ANKDD1A: variants seen among roughly 807,000 people sequenced by gnomAD.
The protein encoded by ANKDD1A is ankyrin repeat and death domain-containing protein 1A.
Under a neutral mutation model 63.5 loss-of-function variants are expected in ANKDD1A, and 59 were observed. That is an observed-to-expected ratio of 0.93 (90% CI 0.75 to 1.15). The LOEUF is 1.15. ANKDD1A is among the 50% of genes most tolerant of loss of function. The pLI is 0.00. For synonymous variants in ANKDD1A, 266 were observed against 263.9 expected (o/e 1.01, Z -0.08); for missense variants, 632 against 656.4 (o/e 0.96, Z 0.41).
chr15:64,953,527 T>TCTTC (rs2085344046), intron 14 of ANKDD1A, among the ~76,000 whole-genome samples: 5,463 of 74,432 alleles, frequency 0.073, 381 homozygotes, highest in African/African-American at 0.19. Flanking sequence ...CCTTCTTCCT[T>TCTTC]CTTCTCCTCT....
intron 3 of ANKDD1A, among the ~76,000 whole-genome samples, chr15:64,919,100 C>G (rs181828310): frequency 6.6e-6 from 1 of 152,250 alleles, no homozygotes; most frequent in Non-Finnish European, 1.5e-5. Flanking sequence ...GGAGGAAAGT[C>G]TGTAGTGATA....
rs60950432 is a variant in ANKDD1A, at chr15:64,932,951, G to GAA, written c.769-1173_769-1172dup. On this transcript the variant is annotated intron_variant, in intron 8 of 14. Coordinates refer to ENST00000319580, the MANE Select transcript of ANKDD1A (RefSeq NM_182703.6). The stretch of plus-strand genomic sequence containing the variant: ...GTGACAGATTGAGACCCTGTCTCAA[G>GAA]AAAAAAAAAAAAAGACTGGGAAGGT... Among the ~76,000 whole-genome samples the GAA allele has an allele frequency of 1.7e-3, 233 of 140,934 alleles. 1 individual carries two copies. The highest frequency in any genetic ancestry group is 2.2e-3 in the African/African-American group (84 of 38,098). 92.5% of individuals were successfully genotyped at this position (140,934 alleles called of 152,430 possible).
At chr15:64,923,992 T>C (rs1050864750) in intron 4 of ANKDD1A, among the ~76,000 whole-genome samples, 6 of 152,236 alleles carry the variant, frequency 3.9e-5, no homozygotes, top group Admixed American at 1.3e-4. Context: ...AACAAATCAC[T>C]CTAAAATTTA....
At chr15:64,924,484 C>T (rs1038266491) in intron 4 of ANKDD1A, among the ~76,000 whole-genome samples, 4 of 152,236 alleles carry the variant, frequency 2.6e-5, no homozygotes, top group African/African-American at 9.6e-5. Context: ...TCCTTTCAAT[C>T]TCTTATTCAA....
chr15:64,935,798 C>T (rs184765266), intron 9 of ANKDD1A, among the ~76,000 whole-genome samples: 76 of 152,100 alleles, frequency 5.0e-4, no homozygotes, highest in African/African-American at 1.5e-3. Flanking sequence ...GAGCCAAGAT[C>T]GCTCCACTGC....
At chr15:64,924,490 T>C (rs1446827898) in intron 4 of ANKDD1A, among the ~76,000 whole-genome samples, 2 of 152,238 alleles carry the variant, frequency 1.3e-5, no homozygotes, top group Non-Finnish European at 2.9e-5. Flanking sequence ...CAATCTCTTA[T>C]TCAAGGTCTT....
chr15:64,922,619 T>G (rs1287500425), intron 4 of ANKDD1A: 1 of 152,260 alleles, frequency 6.6e-6, no homozygotes, highest in Non-Finnish European at 1.5e-5. Flanking sequence ...TTATTTTGGC[T>G]AACTTCTTGA....
chr15:64,921,090 C>G, intron 3 of ANKDD1A, among the ~76,000 whole-genome samples: 1 of 151,960 alleles, frequency 6.6e-6, no homozygotes, highest in Non-Finnish European at 1.5e-5. Flanking sequence ...CCCACCTCAG[C>G]CTCCTGAGTA....
At chr15:64,955,244 G>A (rs553456444) in intron 14 of ANKDD1A, among the ~76,000 whole-genome samples, 2 of 151,966 alleles carry the variant, frequency 1.3e-5, no homozygotes, top group Non-Finnish European at 2.9e-5. Flanking sequence ...CAGTAGAGAC[G>A]GGGTTTCACT....
intron 14 of ANKDD1A, among the ~76,000 whole-genome samples, chr15:64,952,711 CT>C (rs1276100922): frequency 1.6e-5 from 2 of 127,264 alleles, no homozygotes; most frequent in African/African-American, 6.7e-5. Flanking sequence ...AGTTCTTCTC[CT>C]TTCTTCTTTC....
intron 14 of ANKDD1A, among the ~76,000 whole-genome samples, chr15:64,954,750 CTTTCTT>C (rs1566919160): frequency 1.0e-5 from 1 of 97,016 alleles, no homozygotes; most frequent in Non-Finnish European, 2.3e-5. Context: ...TCTCCTTCTT[CTTTCTT>C]TTTGTTCTTC....
At chr15:64,930,635 C>T (rs1404467855) in intron 6 of ANKDD1A, among the ~76,000 whole-genome samples, 187 bp from the exon 7 acceptor site, 1 of 152,192 alleles carries the variant, frequency 6.6e-6, no homozygotes, top group Non-Finnish European at 1.5e-5. Flanking sequence ...AGCAATGTGC[C>T]TGCCTTGAAG....
intron 13 of ANKDD1A, 139 bp from the exon 14 acceptor site, chr15:64,949,702 G>C (rs1241182105): frequency 7.7e-7 from 1 of 1,293,578 alleles, no homozygotes; most frequent in East Asian, 2.5e-5. Flanking sequence ...GGAGCATGGA[G>C]AAGGGCCTTG....
At chr15:64,953,854 C>CTTTT (rs1555397924) in intron 14 of ANKDD1A, among the ~76,000 whole-genome samples, 2 of 89,494 alleles carry the variant, frequency 2.2e-5, no homozygotes, top group Non-Finnish European at 4.6e-5. Context: ...TTCTTCTTTC[C>CTTTT]TCTTCTTCCT....
intron 6 of ANKDD1A, among the ~76,000 whole-genome samples, chr15:64,927,719 C>T (rs1567111645): frequency 6.6e-6 from 1 of 151,918 alleles, no homozygotes; most frequent in East Asian, 1.9e-4. Context: ...ATTCTCCTGC[C>T]TCAGCCTCCC....
intron 6 of ANKDD1A, among the ~76,000 whole-genome samples, chr15:64,927,602 CTTTTTTTT>C (rs5813333): frequency 2.3e-5 from 3 of 130,646 alleles, no homozygotes; most frequent in Non-Finnish European, 3.2e-5. Context: ...AGCAAATTCC[CTTTTTTTT>C]TTTTTTTTTT....
chr15:64,948,289 G>A (rs2085239652), intron 13 of ANKDD1A, among the ~76,000 whole-genome samples: 1 of 152,106 alleles, frequency 6.6e-6, no homozygotes, highest in African/African-American at 2.4e-5. Flanking sequence ...TGTGTAAATG[G>A]AATGACATTC....
In ANKDD1A at chr15:64,927,897, G is replaced by A. The variant is rs185645313; in HGVS notation, c.570+898G>A. Reference sequence around the variant, plus strand: ...TGGGATTACACGCGTAAGCCATCGCGCCCGGCCTGTTACAGCAAATTCTAA... The same window carrying A: ...TGGGATTACACGCGTAAGCCATCGCACCCGGCCTGTTACAGCAAATTCTAA... On this transcript the variant is annotated intron_variant, in intron 6 of 14. Transcript: ENST00000319580. Among the ~76,000 whole-genome samples, 47 of 152,240 alleles carry A rather than the reference G, an allele frequency of 3.1e-4. 1 individual carries two copies. The highest frequency in any genetic ancestry group is 6.8e-3 in the Middle Eastern group (2 of 294).
In ANKDD1A at chr15:64,930,806, G is replaced by A. The variant is rs1344990616; in HGVS notation, c.571-16G>A. 1.2e-6 allele frequency: 2 copies of A among 1,609,126 alleles called. No homozygotes were observed. Among genetic ancestry groups the A allele is most frequent in the Admixed American group, 3.4e-5 (2 of 59,354 alleles). ...TCTCTGGTCTGCTGGCCTCTCAGGA[G>A]CCCTTTTTCCTGCAGGAGGGGAACA... On this transcript the variant is annotated splice_polypyrimidine_tract_variant and intron_variant, in intron 6 of 14. Transcript: ENST00000319580.
Sources: gnomAD v4.1 joint callset for allele counts (sites outside exome capture counted in the v4.1 genomes callset) on GRCh38, gnomAD v4.1.1 for gene constraint, MANE v1.5 for transcripts, NCBI Gene and HGNC (gene_info 2026-07-23, HGNC 2026-07-21) for gene names.